The following FREM3 variants were observed in gnomAD, a reference collection of about 807,000 sequenced individuals.
FREM3 encodes the protein FRAS1 related extracellular matrix 3.
FREM3 carries 105 observed loss-of-function variants against 129.1 expected under a neutral mutation model. That is an observed-to-expected ratio of 0.81 (90% CI 0.69 to 0.96). The LOEUF (loss-of-function observed/expected upper bound fraction) is 0.96. FREM3 is among the 40% of genes least tolerant of loss of function. FREM3 has a pLI of 0.00. For synonymous variants in FREM3, 1,014 were observed against 1,044.9 expected (o/e 0.97, Z 0.57); for missense variants, 2,593 against 2,666.3 (o/e 0.97, Z 0.61).
intron 2 of FREM3, among the ~76,000 whole-genome samples, chr4:143,634,160 T>C (rs1280898716): frequency 2.0e-5 from 3 of 152,056 alleles, no homozygotes; most frequent in Non-Finnish European, 2.9e-5. Flanking sequence ...GATGTGATGA[T>C]AAGAAGCCCA....
intron 3 of FREM3, 32 bp downstream of exon 3, chr4:143,627,582 C>A (rs1739063095): frequency 4.0e-6 from 6 of 1,516,420 alleles, no homozygotes; most frequent in Non-Finnish European, 5.3e-6. Context: ...TTTCCATGAC[C>A]TTTTACCAAC....
intron 2 of FREM3, among the ~76,000 whole-genome samples, chr4:143,680,498 T>C (rs1008691989): frequency 2.0e-5 from 3 of 152,140 alleles, no homozygotes; most frequent in Non-Finnish European, 4.4e-5. Flanking sequence ...TAGAAATATG[T>C]CGGGCATTTT....
intron 2 of FREM3, among the ~76,000 whole-genome samples, chr4:143,673,475 G>A (rs186463009): frequency 1.1e-3 from 174 of 152,290 alleles, no homozygotes; most frequent in African/African-American, 3.6e-3. Context: ...AGGGGTACCC[G>A]GCCGTGTGAG....
intron 2 of FREM3, among the ~76,000 whole-genome samples, chr4:143,677,265 C>T (rs1191709434): frequency 2.0e-5 from 3 of 152,180 alleles, no homozygotes; most frequent in Admixed American, 1.3e-4. Context: ...TGATCTTTGA[C>T]AAACCTGACA....
At position 143,585,829 on chromosome 4, in the gene FREM3, A is replaced by C; in HGVS notation, c.6178+15T>G. 2 of 1,536,754 alleles carry C rather than the reference A, an allele frequency of 1.3e-6. No homozygotes were observed. Among genetic ancestry groups the C allele is most frequent in the Non-Finnish European group, 8.7e-7 (1 of 1,146,548 alleles). On this transcript the variant is annotated intron_variant, in intron 7 of 7. Transcript: ENST00000329798. The surrounding 1 kb of genome is among the most constrained non-coding windows in gnomAD (Gnocchi z 4.2). ...GTATCATGATAATGATATATTCTTT[A>C]AGTGGCCCTCTCACCTTCTGCTGAC... is the stretch of plus-strand genomic sequence containing the variant.
intron 6 of FREM3, among the ~76,000 whole-genome samples, chr4:143,600,666 T>C (rs1041684276): frequency 7.2e-5 from 11 of 152,178 alleles, no homozygotes; most frequent in Admixed American, 7.2e-4. Context: ...ATAAAAGTTG[T>C]GAAACTTCAT....
chr4:143,588,823 A>T (rs1738296585), intron 6 of FREM3, among the ~76,000 whole-genome samples: 1 of 149,730 alleles, frequency 6.7e-6, no homozygotes, highest in Admixed American at 6.7e-5. Flanking sequence ...CGCCACACTG[A>T]CTTCCACAAT....
At chr4:143,669,438 G>A (rs902623576) in intron 2 of FREM3, among the ~76,000 whole-genome samples, 1 of 152,074 alleles carries the variant, frequency 6.6e-6, no homozygotes, top group African/African-American at 2.4e-5. Flanking sequence ...CGCCACGCCT[G>A]GCTATTGTTT....
chr4:143,691,851 C>T (rs1024314548), intron 2 of FREM3, among the ~76,000 whole-genome samples: 2 of 145,400 alleles, frequency 1.4e-5, no homozygotes, highest in Admixed American at 7.0e-5. Flanking sequence ...ACATTCTTTT[C>T]AAAAACAGAA....
chr4:143,589,432 G>C (rs1738313010), intron 6 of FREM3, among the ~76,000 whole-genome samples: 1 of 152,096 alleles, frequency 6.6e-6, no homozygotes, highest in Non-Finnish European at 1.5e-5. Flanking sequence ...GTGTAAGGAA[G>C]GGATCCAGTT....
chr4:143,664,967 C>G (rs901404301), intron 2 of FREM3, among the ~76,000 whole-genome samples: 2 of 152,156 alleles, frequency 1.3e-5, no homozygotes, highest in African/African-American at 4.8e-5. Flanking sequence ...GTGGGAGTGA[C>G]CTGATTTTCC....
chr4:143,665,242 A>T (rs1739834975), intron 2 of FREM3, among the ~76,000 whole-genome samples: 1 of 151,918 alleles, frequency 6.6e-6, no homozygotes, highest in African/African-American at 2.4e-5. Context: ...CTCCTCCCCG[A>T]TTATTGGTCA....
chr4:143,654,529 C>T (rs1739565758), intron 2 of FREM3, among the ~76,000 whole-genome samples: 1 of 152,120 alleles, frequency 6.6e-6, no homozygotes, highest in South Asian at 2.1e-4. Flanking sequence ...ACTTAGGAAA[C>T]AAGACTCAGT....
chr4:143,621,255 T>C, intron 4 of FREM3, 93 bp from the exon 5 acceptor site: 1 of 1,140,642 alleles, frequency 8.8e-7, no homozygotes, highest in South Asian at 1.5e-5. Context: ...AGCCTTTGAC[T>C]CTTATATTTT....
rs763688407 is a variant in FREM3, at chr4:143,700,316, C to T, written c.360G>A (p.Gly120=). The T allele has an allele frequency of 1.3e-6, 2 of 1,535,020 alleles. No homozygotes were observed. The highest frequency in any genetic ancestry group is 2.4e-5 in the East Asian group (1 of 40,836). Residue 120 remains glycine, a synonymous_variant, in exon 1 of 8, where the codon GGG becomes GGA. Coordinates refer to ENST00000329798, the MANE Select transcript of FREM3 (RefSeq NM_001168235.2). ...LSPRRFPCTF[G]PRQVQYTHFG... The stretch of plus-strand genomic sequence containing the variant: ...AGTGAGTGTACTGGACTTGGCGGGG[C>T]CCGAAGGTGCAGGGGAAGCGGCGCG...
At position 143,689,734 on chromosome 4, in the gene FREM3, G is replaced by T. The variant is rs1454509329; in HGVS notation, c.5275+3379C>A. The stretch of plus-strand genomic sequence containing the variant: ...GGAATGAATTAACAGCATTTGCAGT[G>T]ACCTGGATGAGATCGGAGACTATTA... On this transcript the variant is annotated intron_variant, in intron 2 of 7. Transcript: ENST00000329798. 3.3e-5 allele frequency among the ~76,000 whole-genome samples: 5 copies of T among 152,190 alleles called. No homozygotes were observed. In the East Asian group the frequency reaches 7.7e-4, roughly 24 times the overall value.
At position 143,698,278 on chromosome 4, in the gene FREM3, C is replaced by T; in HGVS notation, c.2398G>A (p.Val800Met). 6.5e-7 allele frequency: 1 copy of T among 1,537,614 alleles called. No individual in the cohort carries two copies. Among genetic ancestry groups the T allele is most frequent in the Non-Finnish European group, 8.7e-7 (1 of 1,147,012 alleles). The change falls in exon 1 of 8, where the codon GTG becomes ATG. Residue 800 changes from valine (V) to methionine (M), a missense_variant. Val to Met is a conservative substitution (Grantham distance 21). Around this residue, in one of 2 missense-constraint regions of FREM3, gnomAD observed 2,276 missense variants for 2,267.2 expected, o/e 1.00. Transcript: ENST00000329798. The part of the protein sequence containing the change: ...PQKLGIAPRV[V>M]QFTYQVEDAA... Reference sequence around the variant, plus strand: ...TCTTCCACCTGGTAAGTAAACTGCACAACCCGTGGTGCAATACCCAATTTC... The same window carrying T: ...TCTTCCACCTGGTAAGTAAACTGCATAACCCGTGGTGCAATACCCAATTTC...
chr4:143,631,129 T>C (rs573016542), intron 2 of FREM3, among the ~76,000 whole-genome samples: 1 of 152,148 alleles, frequency 6.6e-6, no homozygotes, highest in African/African-American at 2.4e-5. Context: ...ATCCTACAAA[T>C]TGATCCCAAA....
chr4:143,672,243 C>T (rs933121741), intron 2 of FREM3, among the ~76,000 whole-genome samples: 3 of 152,210 alleles, frequency 2.0e-5, no homozygotes, highest in African/African-American at 7.2e-5. Context: ...AGTTCAACCC[C>T]TCTAAAGCCA....
Sources: gnomAD v4.1 joint callset for allele counts (sites outside exome capture counted in the v4.1 genomes callset) on GRCh38, gnomAD v4.1.1 for gene constraint, gnomAD v4.1.1 regional missense constraint, Gnocchi (gnomAD v3.1) non-coding constraint, MANE v1.5 for transcripts, NCBI Gene and HGNC (gene_info 2026-07-23, HGNC 2026-07-21) for gene names.